KAZALD1: variants seen among roughly 807,000 people sequenced by gnomAD.
The protein encoded by KAZALD1 is kazal-type serine protease inhibitor domain-containing protein 1.
Under a neutral mutation model 27.7 loss-of-function variants are expected in KAZALD1, and 31 were observed. The ratio of observed to expected loss-of-function variants is 1.12; its 90% CI spans 0.84 to 1.51. KAZALD1 has a LOEUF of 1.51. Among genes scored for constraint, KAZALD1 ranks in the 40% most tolerant of loss-of-function variants. The pLI, the probability that KAZALD1 is intolerant of heterozygous loss-of-function variation, is 0.00. For synonymous variants in KAZALD1, 179 were observed against 182.0 expected, an observed-to-expected ratio of 0.98 and a Z score of 0.13; for missense variants, 444 against 408.9, an observed-to-expected ratio of 1.09 and a Z score of -0.74.
Position 101,066,699 on chromosome 10 carries a change from G to A in KAZALD1, c.*1779G>A. The A allele has an allele frequency of 5.6e-6, 2 of 357,654 alleles. No individual in the cohort carries two copies. The highest frequency in any genetic ancestry group is 7.5e-5 in the East Asian group (1 of 13,406). 22.2% of individuals were successfully genotyped at this position (357,654 alleles called of 1,614,324 possible). On this transcript the variant is annotated 3_prime_UTR_variant, in exon 5 of 5. Coordinates refer to ENST00000370200, the MANE Select transcript of KAZALD1 (RefSeq NM_030929.5). Reference sequence around the variant, plus strand: ...CTGGGCTCCAAGACGCCCTCTGCGGGCCCATAGCTCCTACCGCGTCCACCT... The same window carrying A: ...CTGGGCTCCAAGACGCCCTCTGCGGACCCATAGCTCCTACCGCGTCCACCT...
At chr10:101,067,975 C>A (rs1270587150), downstream of KAZALD1, 3 of 469,864 alleles carry the variant, frequency 6.4e-6, no homozygotes, top group African/African-American at 2.0e-5. Context: ...TGTGCCTTAG[C>A]GGAAAGAGGC....
chr10:101,064,219 G>C (rs2134242677), intron 2 of KAZALD1, 42 bp from the exon 3 acceptor site: 1 of 1,609,686 alleles, frequency 6.2e-7, no homozygotes, highest in Middle Eastern at 1.7e-4. Flanking sequence ...GGATGCCTTT[G>C]CTGGGCCATG....
At position 101,066,706 on chromosome 10, in the gene KAZALD1, G is replaced by T. The variant is rs559450526; in HGVS notation, c.*1786G>T. 1 of 353,762 alleles carries T rather than the reference G, an allele frequency of 2.8e-6. No homozygotes were observed. 21.9% of individuals were successfully genotyped at this position (353,762 alleles called of 1,614,324 possible). A position where few individuals can be genotyped will look rare whatever the true frequency, so the allele number is the denominator to read the frequency against. ...CCAAGACGCCCTCTGCGGGCCCATAGCTCCTACCGCGTCCACCTGCAGAGC... is the reference window on the plus strand; with the variant it reads ...CCAAGACGCCCTCTGCGGGCCCATATCTCCTACCGCGTCCACCTGCAGAGC... On this transcript the variant is annotated 3_prime_UTR_variant, in exon 5 of 5. Transcript: ENST00000370200.
chr10:101,066,956 G>C lies in KAZALD1; in HGVS notation c.*2036G>C. The C allele has an allele frequency of 3.2e-6, 1 of 313,642 alleles. No homozygotes were observed. Among genetic ancestry groups the C allele is most frequent in the Non-Finnish European group, 6.3e-6 (1 of 159,960 alleles). The allele number at this position is 313,642 out of a possible 1,614,324, so 19.4% of individuals were successfully genotyped here. The stretch of plus-strand genomic sequence containing the variant: ...CCCCGCACCCCGCCTCTGCTGCAGC[G>C]GACCCGCTTTAATAATGTCGCTGGA... On this transcript the variant is annotated 3_prime_UTR_variant, in exon 5 of 5. Transcript: ENST00000370200.
Position 101,065,242 on chromosome 10 carries a change from C to A in KAZALD1, c.*322C>A. ...GCCTGAGCAGACACAGAGGTGCAGG[C>A]ACCAGGATTCTCCACTTCTTCCAGC... On this transcript the variant is annotated 3_prime_UTR_variant, in exon 5 of 5. Coordinates refer to ENST00000370200, the MANE Select transcript of KAZALD1 (RefSeq NM_030929.5). 1 of 289,996 alleles carries A rather than the reference C, an allele frequency of 3.4e-6. No homozygotes were observed. 18.0% of individuals were successfully genotyped at this position (289,996 alleles called of 1,614,324 possible).
intron 2 of KAZALD1, 166 bp from the exon 3 acceptor site, chr10:101,064,095 G>C (rs1939246088): frequency 2.9e-6 from 2 of 679,546 alleles, no homozygotes; most frequent in Non-Finnish European, 5.1e-6. Context: ...ATCCATATCT[G>C]TGTGTACCTG....
Position 101,064,934 on chromosome 10 carries a change from G to A in KAZALD1, c.*14G>A, listed in dbSNP as rs1398352813. 1 of 1,585,766 alleles carries A rather than the reference G, an allele frequency of 6.3e-7. No homozygotes were observed. On this transcript the variant is annotated 3_prime_UTR_variant, in exon 5 of 5. Transcript: ENST00000370200. ...GATTACTACTAGGTCCAGAGCTCTG[G>A]CCCATGGGGGTGGGTGAGCGGCTAT...
At position 101,064,389 on chromosome 10, in the gene KAZALD1, C is replaced by G. The variant is rs1349463986; in HGVS notation, c.640C>G (p.Leu214Val). 6.2e-7 allele frequency: 1 copy of G among 1,614,186 alleles called. No individual in the cohort carries two copies. Residue 214 changes from leucine (L) to valine (V), a missense_variant, in exon 3 of 5, where the codon CTG (leucine) becomes GTG (valine). Leu to Val is a conservative substitution (Grantham distance 32, BLOSUM62 1). Coordinates refer to ENST00000370200, the MANE Select transcript of KAZALD1 (RefSeq NM_030929.5). ...EWRKDGLDIQ[L>V]PGDDPHISVQ... ...GAGGAAGGATGGCTTGGACATCCAGCTGCCAGGGGATGACCCCCACATCTC... is the reference window on the plus strand; with the variant it reads ...GAGGAAGGATGGCTTGGACATCCAGGTGCCAGGGGATGACCCCCACATCTC...
chr10:101,062,526 C>CCAGAAGAG lies in KAZALD1; in HGVS notation c.-51-16_-51-15insCAGAAGAG, dbSNP rs1939184132. 39 of 1,533,696 alleles carry CCAGAAGAG rather than the reference C, an allele frequency of 2.5e-5. No individual in the cohort carries two copies. In the East Asian group the frequency reaches 9.5e-4, roughly 37 times the overall value. Reference sequence around the variant, plus strand: ...CCCTGTTTCTGACCTCCTGACCTGGCTTCCCTTCCTGGCAGGGTGCCCGAA... The same window carrying CCAGAAGAG: ...CCCTGTTTCTGACCTCCTGACCTGGCCAGAAGAGTTCCCTTCCTGGCAGGGTGCCCGAA... On this transcript the variant is annotated splice_polypyrimidine_tract_variant and intron_variant, in intron 1 of 4. Transcript: ENST00000370200.
Position 101,062,760 on chromosome 10 carries a change from C to T in KAZALD1, c.168C>T (p.Cys56=). Reference sequence around the variant, plus strand: ...CGGAGGGCGAGGGCTGCGCTCCCTGCCGGCCAGAAGAGTGCGCCGCGCCGC... The same window carrying T: ...CGGAGGGCGAGGGCTGCGCTCCCTGTCGGCCAGAAGAGTGCGCCGCGCCGC... ...LLAEGEGCAP[C]RPEECAAPRG... Residue 56 remains cysteine (C), a synonymous_variant, in exon 2 of 5, where the codon TGC becomes TGT. Coordinates refer to ENST00000370200, the MANE Select transcript of KAZALD1 (RefSeq NM_030929.5). 6.5e-7 allele frequency: 1 copy of T among 1,549,668 alleles called. No homozygotes were observed. The highest frequency in any genetic ancestry group is 1.2e-5 in the South Asian group (1 of 84,860).
intron 2 of KAZALD1, 60 bp downstream of exon 2, chr10:101,063,163 G>A (rs1465426915): frequency 7.2e-7 from 1 of 1,384,560 alleles, no homozygotes; most frequent in Admixed American, 2.5e-5. Flanking sequence ...ACTGCTCCCC[G>A]ACCCCTGACA....
chr10:101,066,426 C>A lies in KAZALD1; in HGVS notation c.*1506C>A, dbSNP rs1939321953. 1 of 456,766 alleles carries A rather than the reference C, an allele frequency of 2.2e-6. No individual in the cohort carries two copies. Among genetic ancestry groups the A allele is most frequent in the Non-Finnish European group, 4.4e-6 (1 of 226,984 alleles). The allele number at this position is 456,766 out of a possible 1,614,324, so 28.3% of individuals were successfully genotyped here. The stretch of plus-strand genomic sequence containing the variant: ...GGCTTGCCCCGGGTCCTTAAGCCAG[C>A]GACAGTTTTTATTGCCGAACCCAGG... On this transcript the variant is annotated 3_prime_UTR_variant, in exon 5 of 5. Coordinates refer to ENST00000370200, the MANE Select transcript of KAZALD1 (RefSeq NM_030929.5).
rs1939290273 is a variant in KAZALD1 at position 101,065,228 on chromosome 10, C to T, written c.*308C>T. On this transcript the variant is annotated 3_prime_UTR_variant, in exon 5 of 5. Coordinates refer to ENST00000370200, the MANE Select transcript of KAZALD1 (RefSeq NM_030929.5). ...AGGCTGGGGTGGGGGCCTGAGCAGA[C>T]ACAGAGGTGCAGGCACCAGGATTCT... is the stretch of plus-strand genomic sequence containing the variant. The T allele has an allele frequency of 8.8e-6, 3 of 339,136 alleles. No individual in the cohort carries two copies. The South Asian group carries it at 1.1e-4, about 13-fold the overall frequency. The allele number at this position is 339,136 out of a possible 1,614,324, so 21.0% of individuals were successfully genotyped here. A position where few individuals can be genotyped will look rare whatever the true frequency, so the allele number is the denominator to read the frequency against.
chr10:101,066,481 A>G lies in KAZALD1; in HGVS notation c.*1561A>G, dbSNP rs1017164782. On this transcript the variant is annotated 3_prime_UTR_variant, in exon 5 of 5. Transcript: ENST00000370200. ...AAGCGGGCGGCCCTAGGAGCCGCGC[A>G]CAACAGCGCAAGCGGGCTGGATACC... 5.5e-5 allele frequency: 25 copies of G among 456,548 alleles called. No homozygotes were observed. The highest frequency in any genetic ancestry group is 3.3e-4 in the Middle Eastern group (1 of 3,070). The allele number at this position is 456,548 out of a possible 1,614,324, so 28.3% of individuals were successfully genotyped here. A position where few individuals can be genotyped will look rare whatever the true frequency, so the allele number is the denominator to read the frequency against.
At chr10:101,064,210 G>T (rs1395539905) in intron 2 of KAZALD1, 51 bp from the exon 3 acceptor site, 1 of 1,604,956 alleles carries the variant, frequency 6.2e-7, no homozygotes, top group East Asian at 2.2e-5. Context: ...TGCCAGACTG[G>T]ATGCCTTTGC....
At chr10:101,067,129 G>T (rs1327909629), downstream of KAZALD1, 1 of 357,922 alleles carries the variant, frequency 2.8e-6, no homozygotes, top group Non-Finnish European at 5.6e-6. Flanking sequence ...GCTCCCGGGG[G>T]AAGGCAGGGG....
chr10:101,062,724 G>A lies in KAZALD1; in HGVS notation c.132G>A (p.Met44Ile). The A allele has an allele frequency of 6.5e-7, 1 of 1,535,774 alleles. No homozygotes were observed. The change falls in exon 2 of 5, where the codon ATG (methionine) becomes ATA (isoleucine). Residue 44 changes from methionine (M) to isoleucine (I), a missense_variant. By Grantham distance (10) the Met-to-Ile change is conservative (BLOSUM62 1). Transcript: ENST00000370200. ...PGPDYLRRGW[M>I]RLLAEGEGCA... is the part of the protein sequence containing the mutation. ...CAGATTACCTGCGGCGCGGCTGGAT[G>A]CGGCTGCTAGCGGAGGGCGAGGGCT...
At position 101,062,902 on chromosome 10, in the gene KAZALD1, G is replaced by C; in HGVS notation, c.310G>C (p.Glu104Gln). The change falls in exon 2 of 5, where the codon GAG (glutamate) becomes CAG (glutamine). Residue 104 changes from glutamate to glutamine, a missense_variant. Physicochemically the swap from Glu to Gln is conservative, Grantham distance 29. Transcript: ENST00000370200. ...TGCTCACTTCTACGGGCACTGCGGC[G>C]AGCAGCTTGAGTGCCGGCTGGACAC... ...PSAHFYGHCG[E>Q]QLECRLDTGG... The C allele has an allele frequency of 4.4e-6, 7 of 1,603,160 alleles. No individual in the cohort carries two copies. Among genetic ancestry groups the C allele is most frequent in the Non-Finnish European group, 5.9e-6 (7 of 1,179,660 alleles).
chr10:101,063,086 CG>C lies in KAZALD1; in HGVS notation c.498del (p.Cys168AlafsTer17). On this transcript the variant is annotated frameshift_variant, in exon 2 of 5. Coordinates refer to ENST00000370200, the MANE Select transcript of KAZALD1 (RefSeq NM_030929.5). LOFTEE classifies it high-confidence loss of function. ...GATGCCAACCTCACTGTGGCACACCCGGGGCCCTGCGAATCGGGTACGCATG... is the reference window on the plus strand; with the variant it reads ...GATGCCAACCTCACTGTGGCACACCCGGGCCCTGCGAATCGGGTACGCATG... ...RPDANLTVAHPGPCESGPQIV... is the reference protein window; with the variant it reads ...RPDANLTVAHXGPCESGPQIV... 1 of 1,555,092 alleles carries C rather than the reference CG, an allele frequency of 6.4e-7. No homozygotes were observed. Among genetic ancestry groups the C allele is most frequent in the Non-Finnish European group, 8.7e-7 (1 of 1,153,046 alleles).
Sources: allele counts gnomAD v4.1 joint callset, GRCh38; gene constraint gnomAD v4.1.1; transcripts MANE v1.5; gene names NCBI Gene and HGNC (gene_info 2026-07-23, HGNC 2026-07-21).